The following CNTNAP5 variants were observed in gnomAD, a reference collection of about 807,000 sequenced individuals.
CNTNAP5 encodes the protein contactin-associated protein-like 5.
A neutral mutation model predicts 150.2 loss-of-function variants in CNTNAP5; 72 were observed. The ratio of observed to expected loss-of-function variants is 0.48; its 90% CI spans 0.40 to 0.58. The LOEUF (loss-of-function observed/expected upper bound fraction) is 0.58, where lower values mean the gene tolerates loss of function less well. Ranked by LOEUF, CNTNAP5 falls within the 20% of genes least tolerant of loss-of-function variation. CNTNAP5 has a pLI of 0.00. For synonymous variants in CNTNAP5, 672 were observed against 619.8 expected, an observed-to-expected ratio of 1.08 and a Z score of -1.25; for missense variants, 1,636 against 1,626.2, an observed-to-expected ratio of 1.01 and a Z score of -0.10.
chr2:124,094,752 G>T (rs139490630), intron 1 of CNTNAP5, among the ~76,000 whole-genome samples: 54 of 152,252 alleles, frequency 3.5e-4, no homozygotes, highest in African/African-American at 1.2e-3. Context: ...CTGGTTGGAG[G>T]CATGCACAGC....
intron 1 of CNTNAP5, among the ~76,000 whole-genome samples, chr2:124,169,904 G>T (rs1684891428): frequency 6.6e-6 from 1 of 152,150 alleles, no homozygotes; most frequent in South Asian, 2.1e-4. Flanking sequence ...CATGCATAAT[G>T]CGAGGGTAGC....
intron 1 of CNTNAP5, among the ~76,000 whole-genome samples, chr2:124,040,868 T>A (rs556189438): frequency 1.3e-5 from 2 of 152,322 alleles, no homozygotes; most frequent in Non-Finnish European, 2.9e-5. Context: ...AATACAAGTA[T>A]AATGGTGACA....
At chr2:124,225,485 G>A (rs751867936) in intron 2 of CNTNAP5, among the ~76,000 whole-genome samples, 1 of 152,088 alleles carries the variant, frequency 6.6e-6, no homozygotes, top group Non-Finnish European at 1.5e-5. Flanking sequence ...CCTCTTATGT[G>A]ATTGAAGTAT....
At chr2:124,761,715 T>G (rs1167404418) in intron 14 of CNTNAP5, among the ~76,000 whole-genome samples, 1 of 152,130 alleles carries the variant, frequency 6.6e-6, no homozygotes, top group African/African-American at 2.4e-5. Flanking sequence ...TCTGTTTCTG[T>G]TGCATTAAAC....
intron 3 of CNTNAP5, among the ~76,000 whole-genome samples, chr2:124,266,726 C>A (rs537203387): frequency 6.6e-6 from 1 of 152,092 alleles, no homozygotes; most frequent in Non-Finnish European, 1.5e-5. Flanking sequence ...TGTTTTACTT[C>A]CCAGCATATT....
chr2:124,807,905 T>C (rs2104652793), intron 19 of CNTNAP5, among the ~76,000 whole-genome samples: 1 of 152,332 alleles, frequency 6.6e-6, no homozygotes, highest in South Asian at 2.1e-4. Context: ...CTGGAAGATT[T>C]AGAAACACAA....
chr2:124,843,631 G>T (rs1267238002), intron 19 of CNTNAP5, among the ~76,000 whole-genome samples: 1 of 152,092 alleles, frequency 6.6e-6, no homozygotes, highest in Non-Finnish European at 1.5e-5. Context: ...TACCAACAGT[G>T]TAGGAGTGTT....
chr2:124,813,398 T>C (rs1423563014), intron 19 of CNTNAP5, among the ~76,000 whole-genome samples: 1 of 148,118 alleles, frequency 6.8e-6, no homozygotes, highest in African/African-American at 2.4e-5. Flanking sequence ...TCTTTTTTTT[T>C]CTTTTTTTGA....
intron 13 of CNTNAP5, among the ~76,000 whole-genome samples, chr2:124,724,974 A>G (rs1018505252): frequency 1.4e-5 from 2 of 138,912 alleles, no homozygotes; most frequent in African/African-American, 5.4e-5. Context: ...GAATTTCTCT[A>G]AGAAATTCTT....
chr2:124,118,528 C>T (rs1277635815), intron 1 of CNTNAP5, among the ~76,000 whole-genome samples: 1 of 152,114 alleles, frequency 6.6e-6, no homozygotes, highest in East Asian at 1.9e-4. Context: ...CCATCATGAC[C>T]CAATCTGCGT....
At chr2:124,111,255 T>G (rs1356212370) in intron 1 of CNTNAP5, among the ~76,000 whole-genome samples, 1 of 151,798 alleles carries the variant, frequency 6.6e-6, no homozygotes, top group Non-Finnish European at 1.5e-5. Flanking sequence ...GAGTTTAGAG[T>G]GCATTTGGAT....
At chr2:124,901,787 G>A (rs746768064) in intron 21 of CNTNAP5, among the ~76,000 whole-genome samples, 2 of 152,020 alleles carry the variant, frequency 1.3e-5, no homozygotes, top group African/African-American at 4.8e-5. Flanking sequence ...AGTTTACATG[G>A]GTGTTGATGG....
At chr2:124,516,281 G>T (rs1028153266) in intron 8 of CNTNAP5, among the ~76,000 whole-genome samples, 8 of 151,902 alleles carry the variant, frequency 5.3e-5, no homozygotes, top group Non-Finnish European at 1.0e-4. Flanking sequence ...TTCATATATT[G>T]CCTACTTTAT....
chr2:124,603,997 A>G (rs1697045838), intron 11 of CNTNAP5, among the ~76,000 whole-genome samples: 1 of 152,218 alleles, frequency 6.6e-6, no homozygotes, highest in Non-Finnish European at 1.5e-5. Context: ...AAAGCAAGAC[A>G]TTCCACTTTC....
intron 1 of CNTNAP5, among the ~76,000 whole-genome samples, chr2:124,034,329 T>C (rs1476657002): frequency 6.6e-6 from 1 of 152,200 alleles, no homozygotes; most frequent in Non-Finnish European, 1.5e-5. Context: ...TAACTAATAA[T>C]ACAGTGTAGG....
chr2:124,673,808 A>G (rs1265543604), intron 13 of CNTNAP5, among the ~76,000 whole-genome samples: 1 of 151,842 alleles, frequency 6.6e-6, no homozygotes, highest in East Asian at 1.9e-4. Context: ...TCTGACTCCA[A>G]TGCCCTCAAA....
rs926396563 is a variant in CNTNAP5, at chr2:124,164,266, T to A, written c.83-57439T>A. On this transcript the variant is annotated intron_variant, in intron 1 of 23. Transcript: ENST00000682447. ...AGGCAGTAAGAATAATAAATCTGAA[T>A]AATTTACAGCAAGTACATGGAGCGG... is the stretch of plus-strand genomic sequence containing the variant. Among the ~76,000 whole-genome samples, 7 of 152,146 alleles carry A rather than the reference T, an allele frequency of 4.6e-5. No homozygotes were observed. In the South Asian group the frequency reaches 8.3e-4, roughly 18 times the overall value.
chr2:124,840,890 T>A (rs1429830009), intron 19 of CNTNAP5, among the ~76,000 whole-genome samples: 1 of 152,040 alleles, frequency 6.6e-6, no homozygotes, highest in African/African-American at 2.4e-5. Flanking sequence ...AAGGAAAACA[T>A]GAGGACCAAG....
At chr2:124,091,368 G>A (rs144488775) in intron 1 of CNTNAP5, among the ~76,000 whole-genome samples, 1 of 152,240 alleles carries the variant, frequency 6.6e-6, no homozygotes, top group Non-Finnish European at 1.5e-5. Context: ...TTTGGATGAT[G>A]GACAGATGTG....
Sources: gnomAD v4.1 joint callset for allele counts (sites outside exome capture counted in the v4.1 genomes callset) on GRCh38, gnomAD v4.1.1 for gene constraint, MANE v1.5 for transcripts, NCBI Gene and HGNC (gene_info 2026-07-23, HGNC 2026-07-21) for gene names.